EMC3: variants seen among roughly 807,000 people sequenced by gnomAD.
EMC3 encodes the protein ER membrane protein complex subunit 3.
Under a neutral mutation model 36.6 loss-of-function variants are expected in EMC3, and 13 were observed. The ratio of observed to expected loss-of-function variants is 0.35; its 90% CI spans 0.23 to 0.56. The LOEUF (loss-of-function observed/expected upper bound fraction) is 0.56, where lower values mean the gene tolerates loss of function less well. Among genes scored for constraint, EMC3 ranks in the 20% least tolerant of loss-of-function variants. EMC3 has a pLI of 0.84. For synonymous variants in EMC3, 120 were observed against 111.9 expected, an observed-to-expected ratio of 1.07 and a Z score of -0.46; for missense variants, 220 against 324.5, an observed-to-expected ratio of 0.68 and a Z score of 2.47.
chr3:9,981,116 C>T (rs962874879), intron 1 of EMC3, among the ~76,000 whole-genome samples: 1 of 152,178 alleles, frequency 6.6e-6, no homozygotes, highest in Non-Finnish European at 1.5e-5. Context: ...GTGGGAGGAT[C>T]ACTTGAGCCC....
intron 1 of EMC3, among the ~76,000 whole-genome samples, chr3:9,983,522 A>G (rs2085934776): frequency 1.3e-5 from 2 of 152,138 alleles, no homozygotes; most frequent in Admixed American, 1.3e-4. Context: ...AAATACAAAA[A>G]TTAGCCAGGC....
chr3:9,990,913 C>G (rs963526811), upstream of EMC3, among the ~76,000 whole-genome samples: 1 of 152,052 alleles, frequency 6.6e-6, no homozygotes, highest in African/African-American at 2.4e-5. Context: ...ACTGCAAGCT[C>G]CGCCTCCCGG....
At chr3:9,980,546 TTTTTTTTG>T (rs2085899628) in intron 1 of EMC3, among the ~76,000 whole-genome samples, 1 of 139,994 alleles carries the variant, frequency 7.1e-6, no homozygotes, top group Non-Finnish European at 1.6e-5. Context: ...TTGTGTTTTG[TTTTTTTTG>T]TTTTTTTTTT....
Position 9,986,715 on chromosome 3 carries a change from G to A in EMC3, c.-54C>T, listed in dbSNP as rs528259381. 2 of 1,602,682 alleles carry A rather than the reference G, an allele frequency of 1.2e-6. No individual in the cohort carries two copies. The highest frequency in any genetic ancestry group is 1.7e-6 in the Non-Finnish European group (2 of 1,173,642). On this transcript the variant is annotated 5_prime_UTR_variant, in exon 1 of 8. Transcript: ENST00000245046. ...AATGGGCGAGCTTCTCTTCTCCGGG[G>A]CACAGTTGCTTCTCTTCGGCTTCGC...
chr3:9,977,994 A>C (rs975489088), intron 1 of EMC3, among the ~76,000 whole-genome samples: 1 of 151,956 alleles, frequency 6.6e-6, no homozygotes. Context: ...TAAATCAACT[A>C]TTAGAGCCAT....
In EMC3 at chr3:9,986,542, G is replaced by C; in HGVS notation, c.120C>G (p.Ser40Arg). ...CTTGTTCCTGGGTGAGCTTCTTGTC[G>C]CTCTGCAGCAGGATGGACACGTAGT... ...IRHYVSILLQ[S>R]DKKLTQEQVS... Residue 40 changes from serine (S) to arginine (R), a missense_variant, in exon 1 of 8, where the codon AGC becomes AGG. Ser to Arg is a moderately radical substitution (Grantham distance 110, BLOSUM62 -1). Around this residue, in one of 3 missense-constraint regions of EMC3, gnomAD observed 127 missense variants for 174.6 expected, o/e 0.73. Coordinates refer to ENST00000245046, the MANE Select transcript of EMC3 (RefSeq NM_001394674.1). 1 of 1,614,176 alleles carries C rather than the reference G, an allele frequency of 6.2e-7. No homozygotes were observed. Among genetic ancestry groups the C allele is most frequent in the Non-Finnish European group, 8.5e-7 (1 of 1,180,014 alleles).
intron 7 of EMC3, among the ~76,000 whole-genome samples, chr3:9,967,976 T>C (rs1009077487): frequency 6.6e-6 from 1 of 152,244 alleles, no homozygotes; most frequent in South Asian, 2.1e-4. Context: ...GGCTGGAGTC[T>C]AGTGGCGTGA....
chr3:9,979,736 G>A (rs987879551), intron 1 of EMC3, among the ~76,000 whole-genome samples: 9 of 152,194 alleles, frequency 5.9e-5, no homozygotes, highest in Admixed American at 1.3e-4. Context: ...TTGCAAGAGT[G>A]CATAACCAGG....
At chr3:10,007,589 CAG>C (rs759023984) in intron 1 of EMC3, 10 of 1,367,266 alleles carry the variant, frequency 7.3e-6, no homozygotes, top group South Asian at 1.1e-5. Context: ...TCCTGGGTGT[CAG>C]GGGAGGGTTG....
At chr3:9,997,555 G>A (rs1212198393) in intron 1 of EMC3, among the ~76,000 whole-genome samples, 1 of 152,146 alleles carries the variant, frequency 6.6e-6, no homozygotes, top group South Asian at 2.1e-4. Context: ...TGCCTCCTGG[G>A]TTCAAGCAAT....
At chr3:9,997,554 G>C (rs2086142244) in intron 1 of EMC3, among the ~76,000 whole-genome samples, 1 of 152,066 alleles carries the variant, frequency 6.6e-6, no homozygotes, top group East Asian at 1.9e-4. Context: ...CTGCCTCCTG[G>C]GTTCAAGCAA....
intron 1 of EMC3, among the ~76,000 whole-genome samples, chr3:9,997,813 C>A (rs1023486542): frequency 6.6e-6 from 1 of 152,096 alleles, no homozygotes. Flanking sequence ...TTGATGGACA[C>A]TTGAGTTGTT....
intron 1 of EMC3, chr3:10,006,905 G>C (rs917047058): frequency 3.0e-6 from 1 of 335,256 alleles, no homozygotes; most frequent in Non-Finnish European, 5.8e-6. Flanking sequence ...CCAGGTTGTC[G>C]TCTGCCCGGC....
chr3:9,986,229 A>G (rs916226751), intron 1 of EMC3, among the ~76,000 whole-genome samples: 2 of 152,224 alleles, frequency 1.3e-5, no homozygotes, highest in African/African-American at 4.8e-5. Context: ...ACTAACCTAA[A>G]GGATTAACAG....
chr3:9,963,478 T>TATATATATATATA lies in EMC3; in HGVS notation c.*590_*591insTATATATATATAT, dbSNP rs1553602260. 8.7e-5 allele frequency: 3 copies of TATATATATATATA among 34,548 alleles called. No homozygotes were observed. The highest frequency in any genetic ancestry group is 3.1e-4 in the African/African-American group (3 of 9,584). The allele number at this position is 34,548 out of a possible 1,614,324, so 2.1% of individuals were successfully genotyped here. On this transcript the variant is annotated 3_prime_UTR_variant, in exon 8 of 8. Coordinates refer to ENST00000245046, the MANE Select transcript of EMC3 (RefSeq NM_001394674.1). ...AGATATATATATATATATATATATATTTTTTTTTTTTTTTCAGATGGAGTT... is the reference window on the plus strand; with the variant it reads ...AGATATATATATATATATATATATATATATATATATATATTTTTTTTTTTTTTCAGATGGAGTT...
At chr3:9,977,491 CT>C in intron 1 of EMC3, 45 bp from the exon 2 acceptor site, 1 of 1,574,766 alleles carries the variant, frequency 6.4e-7, no homozygotes, top group East Asian at 2.2e-5. Flanking sequence ...AAGTGAAACA[CT>C]AGAAGAAAAT....
upstream of EMC3, chr3:9,988,621 C>T: frequency 2.2e-6 from 2 of 900,946 alleles, no homozygotes; most frequent in East Asian, 2.5e-5. Context: ...GACACATTGG[C>T]TCTTAGATGA....
intron 1 of EMC3, among the ~76,000 whole-genome samples, chr3:9,993,388 T>C (rs2086079506): frequency 1.3e-5 from 2 of 152,256 alleles, no homozygotes; most frequent in Non-Finnish European, 2.9e-5. Flanking sequence ...TTTTGCTGGC[T>C]GAACGTTCAG....
intron 1 of EMC3, 51 bp from the exon 2 acceptor site, chr3:9,977,497 G>A: frequency 6.5e-7 from 1 of 1,538,370 alleles, no homozygotes; most frequent in Non-Finnish European, 8.9e-7. Flanking sequence ...AACACTAGAA[G>A]AAAATGGGAG....
Sources: allele counts gnomAD v4.1 joint callset (sites outside exome capture counted in the v4.1 genomes callset), GRCh38; gene constraint gnomAD v4.1.1; regional missense constraint gnomAD v4.1.1; transcripts MANE v1.5; gene names NCBI Gene and HGNC (gene_info 2026-07-23, HGNC 2026-07-21).